PLEKHA7: variants seen among roughly 807,000 people sequenced by gnomAD.
The protein encoded by PLEKHA7 is pleckstrin homology domain containing A7, also known as pleckstrin homology domain-containing family A member 7.
Under a neutral mutation model 170.0 loss-of-function variants are expected in PLEKHA7, and 104 were observed. The observed-to-expected ratio is 0.61, with a 90% confidence interval of 0.52 to 0.72. The LOEUF (loss-of-function observed/expected upper bound fraction) is 0.72, where lower values mean the gene tolerates loss of function less well. PLEKHA7 is among the 30% of genes least tolerant of loss of function. PLEKHA7 has a pLI of 0.00. For missense variants in PLEKHA7, 1,615 were observed against 1,671.7 expected (o/e 0.97, Z 0.59); for synonymous variants, 648 against 660.8 (o/e 0.98, Z 0.30).
chr11:16,947,945 A>G (rs1861152590), intron 3 of PLEKHA7, among the ~76,000 whole-genome samples: 1 of 151,980 alleles, frequency 6.6e-6, no homozygotes, highest in African/African-American at 2.4e-5. Context: ...AAAAAAAGAA[A>G]AAAAGAAAAG....
chr11:16,816,029 G>C (rs1342332861), intron 12 of PLEKHA7, 149 bp downstream of exon 12: 2 of 664,200 alleles, frequency 3.0e-6, no homozygotes, highest in African/African-American at 3.6e-5. Context: ...GTGACCCTAA[G>C]CAAGTCATTC....
At chr11:16,904,463 T>G (rs1026666149) in intron 3 of PLEKHA7, among the ~76,000 whole-genome samples, 1 of 152,206 alleles carries the variant, frequency 6.6e-6, no homozygotes, top group Non-Finnish European at 1.5e-5. Context: ...ATAAAGAATC[T>G]AAGCTTAACA....
At chr11:16,904,870 T>C (rs539839829) in intron 3 of PLEKHA7, among the ~76,000 whole-genome samples, 15 of 152,326 alleles carry the variant, frequency 9.8e-5, no homozygotes, top group African/African-American at 3.6e-4. Flanking sequence ...AAATCATATA[T>C]ATGACTAAAA....
At chr11:16,873,057 A>G (rs2063239598) in intron 3 of PLEKHA7, among the ~76,000 whole-genome samples, 1 of 152,108 alleles carries the variant, frequency 6.6e-6, no homozygotes, top group South Asian at 2.1e-4. Flanking sequence ...AAAGTCTCAA[A>G]GGTAAAATTA....
At chr11:16,964,503 C>T (rs942638865) in intron 3 of PLEKHA7, among the ~76,000 whole-genome samples, 1 of 152,192 alleles carries the variant, frequency 6.6e-6, no homozygotes, top group African/African-American at 2.4e-5. Context: ...TAGGAAACAG[C>T]CTTTCCCTCA....
At chr11:16,837,346 A>G (rs1000076682) in intron 9 of PLEKHA7, among the ~76,000 whole-genome samples, 2 of 152,200 alleles carry the variant, frequency 1.3e-5, no homozygotes, top group Admixed American at 1.3e-4. Context: ...CAAGGGTTCT[A>G]GCCAGACATC....
chr11:16,959,135 A>T (rs72865768), intron 3 of PLEKHA7, among the ~76,000 whole-genome samples: 1 of 152,000 alleles, frequency 6.6e-6, no homozygotes, highest in Admixed American at 6.6e-5. Flanking sequence ...TGTGTTACAT[A>T]CGTAAACACA....
chr11:16,806,861 C>G (rs777746013), intron 13 of PLEKHA7, among the ~76,000 whole-genome samples: 1 of 152,198 alleles, frequency 6.6e-6, no homozygotes, highest in Non-Finnish European at 1.5e-5. Context: ...GAGGCAGACA[C>G]GTGATGATGG....
chr11:17,012,160 C>T (rs941046679), intron 3 of PLEKHA7, among the ~76,000 whole-genome samples: 1 of 152,186 alleles, frequency 6.6e-6, no homozygotes, highest in African/African-American at 2.4e-5. Flanking sequence ...TCACAGTGAT[C>T]GTTCTAAAAA....
At chr11:16,911,080 T>A (rs1290844692) in intron 3 of PLEKHA7, among the ~76,000 whole-genome samples, 2 of 152,256 alleles carry the variant, frequency 1.3e-5, no homozygotes, top group Non-Finnish European at 2.9e-5. Context: ...TCCCAGGGAT[T>A]GTGCATTTTT....
At chr11:16,858,366 A>G (rs1386176520) in intron 4 of PLEKHA7, among the ~76,000 whole-genome samples, 2 of 152,230 alleles carry the variant, frequency 1.3e-5, no homozygotes, top group Non-Finnish European at 1.5e-5. Context: ...ATCACGTTCC[A>G]TCAACTTTAG....
intron 19 of PLEKHA7, among the ~76,000 whole-genome samples, chr11:16,793,124 G>T (rs1847971778): frequency 1.3e-5 from 2 of 152,314 alleles, no homozygotes; most frequent in African/African-American, 4.8e-5. Context: ...AAGGGAAAAT[G>T]AGGAGGCTCA....
intron 17 of PLEKHA7, among the ~76,000 whole-genome samples, chr11:16,799,950 AC>A (rs1848477091): frequency 6.6e-6 from 1 of 152,164 alleles, no homozygotes. Context: ...CTCAGGGCCC[AC>A]ACACCTACAC....
intron 4 of PLEKHA7, among the ~76,000 whole-genome samples, chr11:16,858,744 G>A (rs112734425): frequency 1.3e-5 from 2 of 152,004 alleles, no homozygotes; most frequent in Non-Finnish European, 2.9e-5. Context: ...CACCTGCCTC[G>A]GCCTCCCAAA....
chr11:16,852,641 G>C (rs1213679803), intron 6 of PLEKHA7, among the ~76,000 whole-genome samples: 1 of 152,142 alleles, frequency 6.6e-6, no homozygotes, highest in Non-Finnish European at 1.5e-5. Flanking sequence ...AAAGGAATCA[G>C]TTCTTAACAA....
At chr11:16,878,373 ACT>A (rs1463367820) in intron 3 of PLEKHA7, among the ~76,000 whole-genome samples, 1 of 151,856 alleles carries the variant, frequency 6.6e-6, no homozygotes, top group Non-Finnish European at 1.5e-5. Context: ...CCTCCATTAA[ACT>A]CTACGATAGC....
chr11:16,822,788 G>A (rs989746719), intron 10 of PLEKHA7, among the ~76,000 whole-genome samples: 1 of 152,104 alleles, frequency 6.6e-6, no homozygotes, highest in Non-Finnish European at 1.5e-5. Flanking sequence ...TGGGGGAAGA[G>A]GGATAGGGGA....
intron 4 of PLEKHA7, among the ~76,000 whole-genome samples, chr11:16,870,312 C>G (rs12284516): frequency 2.0e-5 from 3 of 151,986 alleles, no homozygotes; most frequent in Non-Finnish European, 2.9e-5. Flanking sequence ...CACACACACA[C>G]TACACACACA....
intron 3 of PLEKHA7, among the ~76,000 whole-genome samples, chr11:16,929,351 C>A (rs1036163118): frequency 6.6e-6 from 1 of 152,242 alleles, no homozygotes; most frequent in Non-Finnish European, 1.5e-5. Context: ...CATGAAGCAG[C>A]CATGACCATC....
Sources: allele counts gnomAD v4.1 joint callset (sites outside exome capture counted in the v4.1 genomes callset), GRCh38; gene constraint gnomAD v4.1.1; transcripts MANE v1.5; gene names NCBI Gene and HGNC (gene_info 2026-07-23, HGNC 2026-07-21).